Variants in DOCK3 observed in about 807,000 individuals in gnomAD.
The protein encoded by DOCK3 is dedicator of cytokinesis 3.
DOCK3 carries 60 observed loss-of-function variants against 265.6 expected under a neutral mutation model. That is an observed-to-expected ratio of 0.23 (90% CI 0.18 to 0.28). The LOEUF (loss-of-function observed/expected upper bound fraction) is 0.28, where lower values mean the gene tolerates loss of function less well. DOCK3 is among the 10% of genes least tolerant of loss of function. The pLI is 1.00. For synonymous variants in DOCK3, 881 were observed against 938.0 expected (o/e 0.94, Z 1.11); for missense variants, 1,981 against 2,594.3 (o/e 0.76, Z 5.14).
At chr3:51,122,381 C>T (rs1449091029) in intron 9 of DOCK3, among the ~76,000 whole-genome samples, 4 of 152,022 alleles carry the variant, frequency 2.6e-5, no homozygotes, top group Non-Finnish European at 5.9e-5. Context: ...TTGGGAGGCT[C>T]AGATGGGAAG....
chr3:50,975,573 G>A (rs2077415250), intron 5 of DOCK3, among the ~76,000 whole-genome samples: 1 of 150,702 alleles, frequency 6.6e-6, no homozygotes, highest in African/African-American at 2.4e-5. Flanking sequence ...TTGCATCAAT[G>A]TTCATCAAGG....
At chr3:50,956,750 G>A (rs191831856) in intron 5 of DOCK3, among the ~76,000 whole-genome samples, 12 of 152,260 alleles carry the variant, frequency 7.9e-5, no homozygotes, top group East Asian at 5.8e-4. Flanking sequence ...CGACTCCAAG[G>A]TTTCCATTTT....
At chr3:50,952,861 T>C (rs962975673) in intron 5 of DOCK3, among the ~76,000 whole-genome samples, 17 of 152,180 alleles carry the variant, frequency 1.1e-4, no homozygotes, top group Admixed American at 1.1e-3. Context: ...AGCCAGTATG[T>C]TGGGTTATTG....
intron 12 of DOCK3, among the ~76,000 whole-genome samples, chr3:51,208,183 TG>T (rs1387125277): frequency 6.6e-6 from 1 of 152,238 alleles, no homozygotes; most frequent in East Asian, 1.9e-4. Flanking sequence ...CATCCAGCTT[TG>T]TCTGCTAAGT....
chr3:51,133,634 G>A (rs1018158384), intron 9 of DOCK3, among the ~76,000 whole-genome samples: 3 of 152,122 alleles, frequency 2.0e-5, no homozygotes, highest in Non-Finnish European at 4.4e-5. Context: ...ACATGTGCAT[G>A]TGTCTTTATA....
At chr3:50,731,219 A>G (rs2038190868) in intron 1 of DOCK3, among the ~76,000 whole-genome samples, 1 of 152,238 alleles carries the variant, frequency 6.6e-6, no homozygotes. Context: ...TAAAAAGGAT[A>G]ATACACCACA....
chr3:50,703,564 T>C (rs1420711046), intron 1 of DOCK3, among the ~76,000 whole-genome samples: 5 of 152,104 alleles, frequency 3.3e-5, no homozygotes, highest in Admixed American at 3.3e-4. Context: ...TGGTGGGTTT[T>C]ATGTGTCCAA....
At chr3:50,846,068 C>G (rs951939013) in intron 3 of DOCK3, among the ~76,000 whole-genome samples, 1 of 152,092 alleles carries the variant, frequency 6.6e-6, no homozygotes, top group South Asian at 2.1e-4. Flanking sequence ...CACATAAGAA[C>G]GTGATAATTC....
chr3:51,248,132 T>C (rs1009640367), intron 22 of DOCK3, among the ~76,000 whole-genome samples: 6 of 152,192 alleles, frequency 3.9e-5, no homozygotes, highest in African/African-American at 1.4e-4. Context: ...TGGCTAGGGC[T>C]TCATAGTACT....
intron 11 of DOCK3, 117 bp downstream of exon 11, chr3:51,159,421 T>G: frequency 1.1e-6 from 1 of 923,396 alleles, no homozygotes; most frequent in Admixed American, 1.9e-5. Flanking sequence ...GGTCTCAGGA[T>G]TAGAGTCCAG....
At chr3:50,759,405 G>T (rs898833484) in intron 1 of DOCK3, among the ~76,000 whole-genome samples, 1 of 152,024 alleles carries the variant, frequency 6.6e-6, no homozygotes, top group Admixed American at 6.6e-5. Flanking sequence ...CCATCCAAAT[G>T]GGTATGAAGT....
chr3:50,680,460 C>T (rs1355838367), intron 1 of DOCK3, among the ~76,000 whole-genome samples: 5 of 150,278 alleles, frequency 3.3e-5, no homozygotes, highest in South Asian at 2.1e-4. Flanking sequence ...GTGATCTGCC[C>T]GTCTTGACCT....
chr3:51,236,333 A>C lies in DOCK3; in HGVS notation c.1918-12A>C. 6.2e-7 allele frequency: 1 copy of C among 1,608,258 alleles called. No individual in the cohort carries two copies. The highest frequency in any genetic ancestry group is 8.5e-7 in the Non-Finnish European group (1 of 1,174,778). On this transcript the variant is annotated splice_polypyrimidine_tract_variant and intron_variant, in intron 19 of 52. Coordinates refer to ENST00000266037, the MANE Select transcript of DOCK3 (RefSeq NM_004947.5). ...CTGAGACCTGAGCCCTCTGCTTTTT[A>C]TGTTGTTTTAGTTTCTGCAGGACAT...
intron 3 of DOCK3, among the ~76,000 whole-genome samples, chr3:50,885,974 C>G (rs981889944): frequency 6.6e-6 from 1 of 151,964 alleles, no homozygotes; most frequent in Non-Finnish European, 1.5e-5. Context: ...TTTCCTGGTT[C>G]TTTGGCTAGA....
intron 5 of DOCK3, among the ~76,000 whole-genome samples, chr3:51,047,395 T>C (rs1008653342): frequency 6.6e-5 from 10 of 151,514 alleles, no homozygotes; most frequent in African/African-American, 2.4e-4. Context: ...CCCTAGAACT[T>C]AAAGTATAAT....
At chr3:50,859,466 T>G (rs1311744485) in intron 3 of DOCK3, among the ~76,000 whole-genome samples, 1 of 152,010 alleles carries the variant, frequency 6.6e-6, no homozygotes, top group Non-Finnish European at 1.5e-5. Context: ...TCCACCCCCC[T>G]CGGCCTCCCA....
chr3:50,988,108 G>A (rs1260844752), intron 5 of DOCK3, among the ~76,000 whole-genome samples: 2 of 152,196 alleles, frequency 1.3e-5, no homozygotes, highest in Non-Finnish European at 2.9e-5. Context: ...TCTGGTAGCA[G>A]CATTGCACCT....
At chr3:51,248,869 C>T (rs1238070455) in intron 22 of DOCK3, among the ~76,000 whole-genome samples, 52 of 147,264 alleles carry the variant, frequency 3.5e-4, no homozygotes, top group Middle Eastern at 3.6e-3. Flanking sequence ...GTGAGGAGCG[C>T]CTCTGCCCGG....
intron 14 of DOCK3, among the ~76,000 whole-genome samples, chr3:51,222,158 C>T (rs915432682): frequency 6.6e-6 from 1 of 152,232 alleles, no homozygotes; most frequent in Admixed American, 6.5e-5. Flanking sequence ...AAAACCACTG[C>T]TCCAGCTTTC....
Sources: allele counts gnomAD v4.1 joint callset (sites outside exome capture counted in the v4.1 genomes callset), GRCh38; gene constraint gnomAD v4.1.1; transcripts MANE v1.5; gene names NCBI Gene and HGNC (gene_info 2026-07-23, HGNC 2026-07-21).